The following SLC2A13 variants were observed in gnomAD, a reference collection of about 807,000 sequenced individuals.
SLC2A13 encodes the protein solute carrier family 2 member 13, also known as proton myo-inositol cotransporter.
A neutral mutation model predicts 64.4 loss-of-function variants in SLC2A13; 32 were observed. That is an observed-to-expected ratio of 0.50 (90% CI 0.37 to 0.67). The LOEUF (loss-of-function observed/expected upper bound fraction) is 0.67. SLC2A13 is among the 30% of genes least tolerant of loss of function. SLC2A13 has a pLI of 0.00. For missense variants in SLC2A13, 743 were observed against 829.2 expected, an observed-to-expected ratio of 0.90 and a Z score of 1.28; for synonymous variants, 338 against 327.1, an observed-to-expected ratio of 1.03 and a Z score of -0.36.
At chr12:39,801,428 AAG>A (rs1941788556) in intron 7 of SLC2A13, among the ~76,000 whole-genome samples, 1 of 151,930 alleles carries the variant, frequency 6.6e-6, no homozygotes, top group Non-Finnish European at 1.5e-5. Flanking sequence ...CCATAAACAA[AAG>A]AGAGTTTTCC....
At chr12:40,004,912 C>T (rs1045659219) in intron 3 of SLC2A13, among the ~76,000 whole-genome samples, 2 of 152,014 alleles carry the variant, frequency 1.3e-5, no homozygotes, top group Non-Finnish European at 2.9e-5. Context: ...GAGGGATTAT[C>T]GTACAGGTCT....
intron 7 of SLC2A13, among the ~76,000 whole-genome samples, chr12:39,803,342 C>T (rs982542618): frequency 6.6e-6 from 1 of 151,996 alleles, no homozygotes; most frequent in Non-Finnish European, 1.5e-5. Flanking sequence ...CTACCGTGAT[C>T]AGTAGCCAGT....
chr12:40,026,283 C>G (rs1490216564), intron 3 of SLC2A13, among the ~76,000 whole-genome samples: 3 of 152,134 alleles, frequency 2.0e-5, no homozygotes, highest in African/African-American at 7.2e-5. Flanking sequence ...TTATTAGGAT[C>G]CAGTGAATAA....
intron 6 of SLC2A13, among the ~76,000 whole-genome samples, chr12:39,850,787 TA>T (rs1440614367): frequency 1.3e-5 from 2 of 152,222 alleles, no homozygotes; most frequent in Non-Finnish European, 2.9e-5. Context: ...TTCAAATGTT[TA>T]TTATATCACA....
chr12:39,852,473 G>C (rs1476970193), intron 6 of SLC2A13, among the ~76,000 whole-genome samples: 2 of 152,188 alleles, frequency 1.3e-5, no homozygotes, highest in Non-Finnish European at 2.9e-5. Flanking sequence ...AGAGAATAAA[G>C]AGGACTTGTT....
Position 39,823,400 on chromosome 12 carries a change from A to T in SLC2A13, c.1445+6703T>A, listed in dbSNP as rs566871287. On this transcript the variant is annotated intron_variant, in intron 7 of 9. Transcript: ENST00000280871. ...GATGTGGTTTGTCAATGATAAAATA[A>T]ATTTCATTTTCTAAATACAAAAGTG... Among the ~76,000 whole-genome samples the T allele has an allele frequency of 4.4e-4, 67 of 152,114 alleles. 1 individual carries two copies. The South Asian group carries it at 0.013, about 30-fold the overall frequency.
At chr12:40,034,221 A>G (rs757021619) in intron 2 of SLC2A13, among the ~76,000 whole-genome samples, 6 of 152,184 alleles carry the variant, frequency 3.9e-5, no homozygotes, top group African/African-American at 7.2e-5. Context: ...TCACTTTGAG[A>G]GGCACAGTAA....
chr12:39,935,645 T>C (rs975100331), intron 4 of SLC2A13, among the ~76,000 whole-genome samples: 9 of 152,190 alleles, frequency 5.9e-5, no homozygotes, highest in African/African-American at 2.2e-4. Flanking sequence ...TATTCATAGA[T>C]ATCCACTCAG....
chr12:39,990,904 G>C (rs1341718714), intron 3 of SLC2A13, among the ~76,000 whole-genome samples: 2 of 151,994 alleles, frequency 1.3e-5, no homozygotes, highest in East Asian at 3.9e-4. Context: ...TCAAACCTAG[G>C]CTTCAAGGTT....
At chr12:39,953,678 C>T (rs1459168411) in intron 3 of SLC2A13, among the ~76,000 whole-genome samples, 1 of 152,140 alleles carries the variant, frequency 6.6e-6, no homozygotes, top group African/African-American at 2.4e-5. Context: ...CTTTCAAACA[C>T]AGAAATTCTC....
At chr12:39,948,892 A>G (rs556852280) in intron 4 of SLC2A13, among the ~76,000 whole-genome samples, 1 of 152,302 alleles carries the variant, frequency 6.6e-6, no homozygotes, top group South Asian at 2.1e-4. Context: ...AATTTCTACT[A>G]AAAATAAAAA....
At chr12:39,929,278 C>T (rs1451585226) in intron 4 of SLC2A13, among the ~76,000 whole-genome samples, 1 of 152,046 alleles carries the variant, frequency 6.6e-6, no homozygotes, top group Non-Finnish European at 1.5e-5. Flanking sequence ...GGAGGCTGGG[C>T]GCAGTGGCTA....
intron 4 of SLC2A13, among the ~76,000 whole-genome samples, chr12:39,874,831 T>C (rs762651794): frequency 5.3e-5 from 8 of 152,158 alleles, no homozygotes; most frequent in Non-Finnish European, 1.2e-4. Context: ...GTGGGTGAAC[T>C]GGAGGCTGAC....
At chr12:39,833,924 T>C (rs1942934989) in intron 6 of SLC2A13, among the ~76,000 whole-genome samples, 1 of 149,466 alleles carries the variant, frequency 6.7e-6, no homozygotes. Context: ...ATCTCTGACC[T>C]ACATCCTCCG....
chr12:40,060,793 G>A (rs1373865994), intron 1 of SLC2A13, among the ~76,000 whole-genome samples: 2 of 152,148 alleles, frequency 1.3e-5, no homozygotes, highest in African/African-American at 4.8e-5. Context: ...CAAATGGATA[G>A]TGCAAGAATA....
chr12:39,956,663 C>T (rs1036905598), intron 3 of SLC2A13, among the ~76,000 whole-genome samples: 3 of 152,176 alleles, frequency 2.0e-5, no homozygotes, highest in African/African-American at 7.2e-5. Context: ...ATGAAGTCTG[C>T]TGTGAGACTG....
At chr12:40,080,664 T>C (rs1938362077) in intron 1 of SLC2A13, among the ~76,000 whole-genome samples, 1 of 152,206 alleles carries the variant, frequency 6.6e-6, no homozygotes, top group African/African-American at 2.4e-5. Flanking sequence ...AGGGTTGGGA[T>C]TACAGGCATA....
intron 3 of SLC2A13, among the ~76,000 whole-genome samples, chr12:39,958,579 A>G (rs1171967193): frequency 6.6e-6 from 1 of 152,054 alleles, no homozygotes; most frequent in Non-Finnish European, 1.5e-5. Context: ...TGGCTAAAGC[A>G]CCCCACTGAA....
intron 7 of SLC2A13, among the ~76,000 whole-genome samples, chr12:39,771,607 C>T (rs1269320373): frequency 1.3e-5 from 2 of 152,134 alleles, no homozygotes; most frequent in Admixed American, 6.5e-5. Context: ...AGAGGACACA[C>T]CTAAGCTATG....
Sources: allele counts gnomAD v4.1 joint callset (sites outside exome capture counted in the v4.1 genomes callset), GRCh38; gene constraint gnomAD v4.1.1; transcripts MANE v1.5; gene names NCBI Gene and HGNC (gene_info 2026-07-23, HGNC 2026-07-21).